Variants in LAMP2 observed in about 807,000 individuals in gnomAD.
The protein encoded by LAMP2 is lysosome associated membrane protein 2.
A neutral mutation model predicts 25.6 loss-of-function variants in LAMP2; 4 were observed. The observed-to-expected ratio is 0.16, with a 90% CI of 0.08 to 0.36. The LOEUF is 0.36. LAMP2 is among the 10% of genes least tolerant of loss of function. LAMP2 has a pLI of 1.00. For missense variants in LAMP2, 272 were observed against 301.4 expected (o/e 0.90, Z 0.72); for synonymous variants, 108 against 112.7 (o/e 0.96, Z 0.27).
rs773549757 is a variant in LAMP2, at chrX:120,441,923, T to C, written c.929-29A>G. The C allele has an allele frequency of 1.8e-5, 21 of 1,170,372 alleles. No individual in the cohort carries two copies. In the East Asian group the frequency reaches 5.7e-4, roughly 32 times the overall value. On this transcript the variant is annotated intron_variant, in intron 7 of 8. Coordinates refer to ENST00000200639, the MANE Select transcript of LAMP2 (RefSeq NM_002294.3). ...CAAAGAAAAGAAACAGGTTAGTAACTTCTTATCCTATCAACATCAAAAATG... is the reference window on the plus strand; with the variant it reads ...CAAAGAAAAGAAACAGGTTAGTAACCTCTTATCCTATCAACATCAAAAATG...
chrX:120,428,924 G>C lies in LAMP2; in HGVS notation c.*2399C>G. 1.3e-6 allele frequency: 1 copy of C among 750,451 alleles called. No individual in the cohort carries two copies. 61.8% of individuals were successfully genotyped at this position (750,451 alleles called of 1,213,427 possible). A position where few individuals can be genotyped will look rare whatever the true frequency, so the allele number is the denominator to read the frequency against. On this transcript the variant is annotated 3_prime_UTR_variant, in exon 9 of 9. Coordinates refer to ENST00000200639, the MANE Select transcript of LAMP2 (RefSeq NM_002294.3). ...TTATCTAATGACACTGGGTTAAGGA[G>C]CCATCATCTACACTTAAAACCACTG...
In LAMP2 at chrX:120,456,766, G is replaced by GCTC. The variant is rs766343235; in HGVS notation, c.65_67dup (p.Gly22dup). ...AAGTTCCAATGCATAAGACCGCACAGCTCCTGGATTCATTTAAAAAAATAA... is the reference window on the plus strand; with the variant it reads ...AAGTTCCAATGCATAAGACCGCACAGCTCCTCCTGGATTCATTTAAAAAAATAA... On this transcript the variant is annotated inframe_insertion, in exon 2 of 9. Transcript: ENST00000200639. 1 of 1,066,748 alleles carries GCTC rather than the reference G, an allele frequency of 9.4e-7. No homozygotes were observed. Among genetic ancestry groups the GCTC allele is most frequent in the South Asian group, 2.1e-5 (1 of 47,685 alleles). The allele number at this position is 1,066,748 out of a possible 1,213,427, so 87.9% of individuals were successfully genotyped here. A position where few individuals can be genotyped will look rare whatever the true frequency, so the allele number is the denominator to read the frequency against.
Position 120,447,895 on chromosome X carries a change from A to G in LAMP2, c.687T>C (p.Asn229=), listed in dbSNP as rs1358375847. 5 of 1,211,092 alleles carry G rather than the reference A, an allele frequency of 4.1e-6. No individual in the cohort carries two copies. The highest frequency in any genetic ancestry group is 2.2e-5 in the Admixed American group (1 of 46,017). ...EAGTYSVNNG[N]DTCLLATMGL... is the part of the protein sequence containing the mutation. Reference sequence around the variant, plus strand: ...CCATGGTAGCCAGCAGACAAGTATCATTGCCATTATTAACTGAATAGGTTC... The same window carrying G: ...CCATGGTAGCCAGCAGACAAGTATCGTTGCCATTATTAACTGAATAGGTTC... Residue 229 remains asparagine, a synonymous_variant, in exon 5 of 9, where the codon AAT becomes AAC. Transcript: ENST00000200639.
rs1439051161 is a variant in LAMP2, at chrX:120,456,709, A to C, written c.125T>G (p.Leu42Arg). 8.4e-7 allele frequency: 1 copy of C among 1,194,000 alleles called. No individual in the cohort carries two copies. Among genetic ancestry groups the C allele is most frequent in the South Asian group, 1.8e-5 (1 of 55,051 alleles). Reference sequence around the variant, plus strand: ...GAAATTCATCTGCCATTTTGCATAAAGGCAAGTGGCATTTTCTGAATCTGT... The same window carrying C: ...GAAATTCATCTGCCATTTTGCATAACGGCAAGTGGCATTTTCTGAATCTGT... ...NLTDSENATCLYAKWQMNFTV... is the reference protein window; with the variant it reads ...NLTDSENATCRYAKWQMNFTV... Residue 42 changes from leucine (L) to arginine (R), a missense_variant, in exon 2 of 9, where the codon CTT (leucine) becomes CGT (arginine). By Grantham distance (102) the Leu-to-Arg change is moderately radical (BLOSUM62 -2). Coordinates refer to ENST00000200639, the MANE Select transcript of LAMP2 (RefSeq NM_002294.3).
At chrX:120,448,664 C>T (rs987142550) in intron 4 of LAMP2, among the ~76,000 whole-genome samples, 1 of 112,008 alleles carries the variant, frequency 8.9e-6, no homozygotes, top group African/African-American at 3.2e-5. Flanking sequence ...GTCTTGGAAC[C>T]GCTAAAAAAG....
intron 1 of LAMP2, 106 bp downstream of exon 1, chrX:120,469,000 G>T: frequency 2.2e-6 from 2 of 915,487 alleles, no homozygotes; most frequent in Non-Finnish European, 3.2e-6. Context: ...GTTAGCTGCT[G>T]AGCCTCTCAA....
At chrX:120,443,516 G>A (rs1219954852) in intron 6 of LAMP2, among the ~76,000 whole-genome samples, 1 of 111,725 alleles carries the variant, frequency 9.0e-6, no homozygotes, top group Non-Finnish European at 1.9e-5. Context: ...CCCATTTTGG[G>A]AGTATGGCTG....
intron 8 of LAMP2, chrX:120,438,541 A>G (rs1374391573): frequency 1.3e-6 from 1 of 746,334 alleles, no homozygotes; most frequent in Non-Finnish European, 1.6e-6. Flanking sequence ...CATTACAGCC[A>G]CATAAATACA....
intron 8 of LAMP2, among the ~76,000 whole-genome samples, chrX:120,436,170 A>ACACACTCTCTCT (rs1251901451): frequency 1.7e-5 from 1 of 57,304 alleles, no homozygotes; most frequent in African/African-American, 5.0e-5. Context: ...ACACACACAC[A>ACACACTCTCTCT]CTCTCTCTCT....
intron 1 of LAMP2, among the ~76,000 whole-genome samples, chrX:120,465,283 C>A (rs7057652): frequency 0.39 from 41,674 of 106,043 alleles, 6,213 homozygotes; most frequent in Middle Eastern, 0.48. Flanking sequence ...CCCAGAAAAG[C>A]CTCAAACCTA....
chrX:120,465,208 C>T (rs1003393343), intron 1 of LAMP2, among the ~76,000 whole-genome samples: 4 of 110,103 alleles, frequency 3.6e-5, no homozygotes, highest in African/African-American at 1.3e-4. Flanking sequence ...ATTCAGTAAA[C>T]GTGTGGAAGG....
rs2058500513 is a variant in LAMP2, at chrX:120,426,742, T to C, written c.*4581A>G. ...AATATGTATTGAAACAAAGCCACTG[T>C]TTTTTATGATGACATCATTTTAACC... On this transcript the variant is annotated 3_prime_UTR_variant, in exon 9 of 9. Transcript: ENST00000200639. 8.9e-6 allele frequency among the ~76,000 whole-genome samples: 1 copy of C among 112,050 alleles called. No individual in the cohort carries two copies. Among genetic ancestry groups the C allele is most frequent in the African/African-American group, 3.2e-5 (1 of 30,827 alleles).
chrX:120,454,939 A>ATATATATATG (rs1184556489), intron 3 of LAMP2, among the ~76,000 whole-genome samples: 2 of 98,933 alleles, frequency 2.0e-5, no homozygotes, highest in African/African-American at 7.8e-5. Flanking sequence ...ACTAGGATAT[A>ATATATATATG]TATATATATA....
chrX:120,437,048 A>C (rs184879874), intron 8 of LAMP2: 1 of 740,177 alleles, frequency 1.4e-6, no homozygotes, highest in Admixed American at 8.8e-5. Flanking sequence ...TTACACTAAA[A>C]CACAGTTTAA....
chrX:120,466,672 G>C (rs1411743452), intron 1 of LAMP2, among the ~76,000 whole-genome samples: 1 of 111,258 alleles, frequency 9.0e-6, no homozygotes, highest in Non-Finnish European at 1.9e-5. Flanking sequence ...AGAGGTTTAT[G>C]TGAGTCATAT....
chrX:120,460,383 A>G (rs943725171), intron 1 of LAMP2, among the ~76,000 whole-genome samples: 4 of 111,196 alleles, frequency 3.6e-5, no homozygotes, highest in African/African-American at 9.8e-5. Flanking sequence ...ACACAGTTCA[A>G]ACTTGTGTTG....
rs1366661875 is a variant in LAMP2 at position 120,426,672 on chromosome X, C to T, written c.*4651G>A. 8.9e-6 allele frequency among the ~76,000 whole-genome samples: 1 copy of T among 111,739 alleles called. No homozygotes were observed. The highest frequency in any genetic ancestry group is 1.9e-5 in the Non-Finnish European group (1 of 53,060). ...TTCCAGTTTATATGCTTAGCAAGGT[C>T]ACAAGCTGATTTTATTAATCTGGCT... On this transcript the variant is annotated 3_prime_UTR_variant, in exon 9 of 9. Transcript: ENST00000200639.
rs2058514503 is a variant in LAMP2, at chrX:120,429,587, G to T, written c.*1736C>A. On this transcript the variant is annotated 3_prime_UTR_variant, in exon 9 of 9. Coordinates refer to ENST00000200639, the MANE Select transcript of LAMP2 (RefSeq NM_002294.3). ...ACAGAGATTAAAATAGAAGTGTTTT[G>T]GTATATTACTACTGAAAAAGCCCAT... 15 of 745,041 alleles carry T rather than the reference G, an allele frequency of 2.0e-5. No homozygotes were observed. In the South Asian group the frequency reaches 8.2e-4, roughly 41 times the overall value. 61.4% of individuals were successfully genotyped at this position (745,041 alleles called of 1,213,427 possible). A position where few individuals can be genotyped will look rare whatever the true frequency, so the allele number is the denominator to read the frequency against.
chrX:120,437,970 C>A (rs908152373), intron 8 of LAMP2: 4 of 251,651 alleles, frequency 1.6e-5, no homozygotes, highest in African/African-American at 1.2e-4. Context: ...ATTCTCCTGC[C>A]TCAGCCTCCC....
Sources: gnomAD v4.1 joint callset for allele counts (sites outside exome capture counted in the v4.1 genomes callset) on GRCh38, gnomAD v4.1.1 for gene constraint, MANE v1.5 for transcripts, NCBI Gene and HGNC (gene_info 2026-07-23, HGNC 2026-07-21) for gene names.